MEIS2: variants seen among roughly 807,000 people sequenced by gnomAD.
The protein encoded by MEIS2 is homeobox protein Meis2.
A neutral mutation model predicts 58.6 loss-of-function variants in MEIS2; 9 were observed. The observed-to-expected ratio is 0.15, with a 90% CI of 0.09 to 0.27. The LOEUF (loss-of-function observed/expected upper bound fraction) is 0.27. MEIS2 is among the 10% of genes least tolerant of loss of function. MEIS2 has a pLI of 1.00. For missense variants in MEIS2, 427 were observed against 635.0 expected (o/e 0.67, Z 3.52); for synonymous variants, 221 against 228.4 (o/e 0.97, Z 0.29).
rs1338526206 is a variant in MEIS2, at chr15:36,895,138, T to C, written c.1147+13A>G. ...TTCCCAGGGAAGCCCAGAGGCGGGA[T>C]GAGCCAACCTACCTGCAGGCCGGAT... On this transcript the variant is annotated intron_variant, in intron 11 of 11. Coordinates refer to ENST00000561208, the MANE Select transcript of MEIS2 (RefSeq NM_170675.5). The C allele has an allele frequency of 1.2e-6, 2 of 1,610,026 alleles. No individual in the cohort carries two copies. The highest frequency in any genetic ancestry group is 4.5e-5 in the East Asian group (2 of 44,870).
At chr15:37,066,369 C>T (rs1231167528) in intron 7 of MEIS2, 1 of 152,162 alleles carries the variant, frequency 6.6e-6, no homozygotes, top group Non-Finnish European at 1.5e-5. Context: ...TTAAATTTTA[C>T]ATCATTTGTG....
rs2060955159 is a variant in MEIS2 at position 37,007,246 on chromosome 15, C to T, written c.900+29568G>A. ...GGAAGCCTAGCTCTCAAAAGAGATC[C>T]AGCCAGGTATATTAGAGCACAGCTG... is the stretch of plus-strand genomic sequence containing the variant. On this transcript the variant is annotated intron_variant, in intron 8 of 11. Transcript: ENST00000561208. Among the ~76,000 whole-genome samples, 4 of 152,100 alleles carry T rather than the reference C, an allele frequency of 2.6e-5. No individual in the cohort carries two copies. The South Asian group carries it at 8.3e-4, about 32-fold the overall frequency.
At chr15:36,962,299 A>G (rs954627956) in intron 8 of MEIS2, among the ~76,000 whole-genome samples, 6 of 152,188 alleles carry the variant, frequency 3.9e-5, no homozygotes, top group African/African-American at 1.4e-4. Flanking sequence ...TTAACCAGTT[A>G]CCCATAGAGT....
chr15:36,963,617 C>G (rs768980055), intron 8 of MEIS2, among the ~76,000 whole-genome samples: 10 of 152,186 alleles, frequency 6.6e-5, no homozygotes, highest in Non-Finnish European at 1.0e-4. Flanking sequence ...TCCAACCTAA[C>G]TAGCCAATTT....
intron 8 of MEIS2, among the ~76,000 whole-genome samples, chr15:36,992,070 G>A (rs2060316152): frequency 6.8e-6 from 1 of 147,370 alleles, no homozygotes; most frequent in African/African-American, 2.5e-5. Flanking sequence ...TACAGGCGGT[G>A]AGCCACCGCG....
chr15:36,919,829 G>A (rs549029104), intron 9 of MEIS2, among the ~76,000 whole-genome samples: 2 of 152,270 alleles, frequency 1.3e-5, no homozygotes, highest in South Asian at 4.1e-4. Flanking sequence ...TGAATTTTAA[G>A]CTATCTTGCT....
At chr15:36,907,692 C>A (rs1354722131) in intron 9 of MEIS2, among the ~76,000 whole-genome samples, 1 of 152,124 alleles carries the variant, frequency 6.6e-6, no homozygotes. Context: ...GTTTGAGAGG[C>A]TGAGATTTTA....
At chr15:36,960,672 A>C (rs2059150532) in intron 8 of MEIS2, among the ~76,000 whole-genome samples, 1 of 152,156 alleles carries the variant, frequency 6.6e-6, no homozygotes, top group Admixed American at 6.5e-5. Flanking sequence ...TGAGTGTTTC[A>C]TACAAGTAGA....
At chr15:37,015,957 A>G (rs1234459675) in intron 8 of MEIS2, among the ~76,000 whole-genome samples, 1 of 152,130 alleles carries the variant, frequency 6.6e-6, no homozygotes, top group Non-Finnish European at 1.5e-5. Context: ...AGTGGAAGAA[A>G]TCACACACTC....
intron 9 of MEIS2, among the ~76,000 whole-genome samples, chr15:36,919,788 T>C (rs2057423558): frequency 6.6e-6 from 1 of 152,200 alleles, no homozygotes; most frequent in Non-Finnish European, 1.5e-5. Context: ...AGAATGTAGA[T>C]GAAATAGAGC....
intron 10 of MEIS2, 169 bp from the exon 11 acceptor site, chr15:36,895,430 G>T: frequency 1.7e-6 from 1 of 593,784 alleles, no homozygotes; most frequent in Non-Finnish European, 3.0e-6. Context: ...GAAGGTGTGT[G>T]AGTAGCTTTA....
chr15:36,921,399 A>G (rs1182172664), intron 9 of MEIS2, among the ~76,000 whole-genome samples: 3 of 152,214 alleles, frequency 2.0e-5, no homozygotes, highest in Non-Finnish European at 4.4e-5. Flanking sequence ...CATTAACTAT[A>G]CTCAGACTCA....
chr15:36,911,655 C>T (rs2057030441), intron 9 of MEIS2, among the ~76,000 whole-genome samples: 1 of 152,188 alleles, frequency 6.6e-6, no homozygotes, highest in Non-Finnish European at 1.5e-5. Flanking sequence ...GCCCTCTGAA[C>T]CTCGCTGTCC....
chr15:36,957,344 G>A (rs1346935809), intron 8 of MEIS2, among the ~76,000 whole-genome samples: 1 of 152,126 alleles, frequency 6.6e-6, no homozygotes, highest in Admixed American at 6.6e-5. Context: ...CTGTGATAAT[G>A]AAAAATAATA....
chr15:36,967,422 A>G lies in MEIS2; in HGVS notation c.901-17022T>C, dbSNP rs575447495. Reference sequence around the variant, plus strand: ...CCTTTGCATTTTCCCCAAGAACACCAGAATGCAGGTATTTTCCTTATACTA... The same window carrying G: ...CCTTTGCATTTTCCCCAAGAACACCGGAATGCAGGTATTTTCCTTATACTA... On this transcript the variant is annotated intron_variant, in intron 8 of 11. Coordinates refer to ENST00000561208, the MANE Select transcript of MEIS2 (RefSeq NM_170675.5). 2.6e-5 allele frequency among the ~76,000 whole-genome samples: 4 copies of G among 152,306 alleles called. No homozygotes were observed. The South Asian group carries it at 8.3e-4, about 32-fold the overall frequency.
At chr15:37,058,034 C>T (rs977971111) in intron 7 of MEIS2, among the ~76,000 whole-genome samples, 9 of 152,224 alleles carry the variant, frequency 5.9e-5, no homozygotes, top group East Asian at 1.9e-4. Flanking sequence ...AAAACAAGCA[C>T]GATAACAGAA....
intron 7 of MEIS2, among the ~76,000 whole-genome samples, chr15:37,065,600 C>T (rs1487970318): frequency 6.6e-6 from 1 of 152,042 alleles, no homozygotes; most frequent in Non-Finnish European, 1.5e-5. Context: ...GATGCTAAGC[C>T]AATTTATAAC....
At chr15:36,895,655 C>T (rs1305664797) in intron 10 of MEIS2, among the ~76,000 whole-genome samples, 2 of 152,192 alleles carry the variant, frequency 1.3e-5, no homozygotes, top group Non-Finnish European at 2.9e-5. Flanking sequence ...TTTACACAAA[C>T]ATTTTAAACC....
chr15:37,083,937 A>T lies in MEIS2; in HGVS notation c.640-52T>A. The T allele has an allele frequency of 2.0e-6, 3 of 1,526,186 alleles. No homozygotes were observed. In the South Asian group the frequency reaches 3.4e-5, roughly 17 times the overall value. 94.5% of individuals were successfully genotyped at this position (1,526,186 alleles called of 1,614,324 possible). Reference sequence around the variant, plus strand: ...TCCACAGTTACCATTTCAGCCATCAATGAAGAACCAAAAGGAACGGCACAG... The same window carrying T: ...TCCACAGTTACCATTTCAGCCATCATTGAAGAACCAAAAGGAACGGCACAG... On this transcript the variant is annotated intron_variant, in intron 6 of 11. Coordinates refer to ENST00000561208, the MANE Select transcript of MEIS2 (RefSeq NM_170675.5).
Sources: gnomAD v4.1 joint callset for allele counts (sites outside exome capture counted in the v4.1 genomes callset) on GRCh38, gnomAD v4.1.1 for gene constraint, MANE v1.5 for transcripts, NCBI Gene and HGNC (gene_info 2026-07-23, HGNC 2026-07-21) for gene names.